The following PDE4D variants were observed in gnomAD, a reference collection of about 807,000 sequenced individuals.
The protein encoded by PDE4D is phosphodiesterase 4D.
A neutral mutation model predicts 87.4 loss-of-function variants in PDE4D; 24 were observed. The ratio of observed to expected loss-of-function variants is 0.27; its 90% CI spans 0.20 to 0.39. The LOEUF (loss-of-function observed/expected upper bound fraction) is 0.39. Among genes scored for constraint, PDE4D ranks in the 10% least tolerant of loss-of-function variants. The pLI is 1.00. For synonymous variants in PDE4D, 384 were observed against 383.2 expected (o/e 1.00, Z -0.02); for missense variants, 714 against 1,041.0 (o/e 0.69, Z 4.32).
At chr5:59,037,712 T>C (rs1269764407) in intron 6 of PDE4D, among the ~76,000 whole-genome samples, 1 of 152,070 alleles carries the variant, frequency 6.6e-6, no homozygotes, top group African/African-American at 2.4e-5. Context: ...GAAGCCAACT[T>C]TTCACTTGAC....
chr5:59,319,501 C>A (rs907600345), intron 1 of PDE4D, among the ~76,000 whole-genome samples: 1 of 152,038 alleles, frequency 6.6e-6, no homozygotes, highest in Non-Finnish European at 1.5e-5. Context: ...GCTCAGCTGA[C>A]AGTAATTTTC....
chr5:60,228,612 AG>A (rs1010534661), intron 1 of PDE4D, among the ~76,000 whole-genome samples: 1 of 152,088 alleles, frequency 6.6e-6, no homozygotes, highest in African/African-American at 2.4e-5. Flanking sequence ...ATGCTGCAAA[AG>A]CAAGCTGTGC....
At chr5:59,505,637 A>G (rs1376176875) in intron 1 of PDE4D, among the ~76,000 whole-genome samples, 1 of 152,206 alleles carries the variant, frequency 6.6e-6, no homozygotes, top group African/African-American at 2.4e-5. Context: ...TATTAGTGCC[A>G]TTTTACTATT....
intron 3 of PDE4D, chr5:59,988,314 TCTC>T: frequency 2.0e-6 from 1 of 488,298 alleles, no homozygotes; most frequent in Admixed American, 3.6e-5. Flanking sequence ...TAAAATGTCT[TCTC>T]CTGCAGATAT....
intron 1 of PDE4D, among the ~76,000 whole-genome samples, chr5:59,548,028 C>T (rs1474433839): frequency 6.6e-6 from 1 of 152,108 alleles, no homozygotes; most frequent in Non-Finnish European, 1.5e-5. Flanking sequence ...CTTAGAAACA[C>T]AGTGAGACAG....
intron 1 of PDE4D, among the ~76,000 whole-genome samples, chr5:59,667,728 C>T (rs759570142): frequency 2.4e-4 from 36 of 152,206 alleles, no homozygotes; most frequent in Non-Finnish European, 4.0e-4. Context: ...TGAGTCTTTC[C>T]ATATCTATAG....
chr5:60,456,495 C>T lies in PDE4D; in HGVS notation c.-90+31447G>A, dbSNP rs111312645. 3.9e-5 allele frequency among the ~76,000 whole-genome samples: 6 copies of T among 152,336 alleles called. 1 individual carries two copies. Among genetic ancestry groups the T allele is most frequent in the African/African-American group, 1.4e-4 (6 of 41,588 alleles). On this transcript the variant is annotated intron_variant, in intron 1 of 16. Coordinates refer to the PDE4D transcript ENST00000502484. ...ATACAGTGAAAATAAACAACCTAAGCTCTAAAATTACTGTAACTCAGGTGG... is the reference window on the plus strand; with the variant it reads ...ATACAGTGAAAATAAACAACCTAAGTTCTAAAATTACTGTAACTCAGGTGG...
At chr5:59,079,482 T>TA (rs1203566226) in intron 5 of PDE4D, among the ~76,000 whole-genome samples, 3 of 152,072 alleles carry the variant, frequency 2.0e-5, no homozygotes, top group Non-Finnish European at 4.4e-5. Flanking sequence ...ATTGACCTCT[T>TA]ACTCTACAAA....
At chr5:60,324,412 G>T (rs1361282361) in intron 1 of PDE4D, among the ~76,000 whole-genome samples, 2 of 152,196 alleles carry the variant, frequency 1.3e-5, no homozygotes, top group African/African-American at 4.8e-5. Context: ...AAAGATGACA[G>T]GTCTCAAAAA....
At chr5:59,815,637 T>G (rs1480777813) in intron 1 of PDE4D, among the ~76,000 whole-genome samples, 1 of 152,230 alleles carries the variant, frequency 6.6e-6, no homozygotes, top group Non-Finnish European at 1.5e-5. Flanking sequence ...TGTTAGCTAG[T>G]GTTCCTGGTA....
At chr5:59,012,799 G>A (rs958473764) in intron 6 of PDE4D, among the ~76,000 whole-genome samples, 23 of 151,984 alleles carry the variant, frequency 1.5e-4, no homozygotes, top group South Asian at 1.0e-3. Context: ...TGCAACAAGC[G>A]GACCTAATAG....
At chr5:59,694,833 T>G (rs1447773617) in intron 1 of PDE4D, among the ~76,000 whole-genome samples, 1 of 152,198 alleles carries the variant, frequency 6.6e-6, no homozygotes, top group Non-Finnish European at 1.5e-5. Context: ...ATTAATTGAT[T>G]ATAACTAGTA....
chr5:60,310,460 G>C lies in PDE4D; in HGVS notation c.-89-124773C>G, dbSNP rs553501970. On this transcript the variant is annotated intron_variant, in intron 1 of 16. Transcript: ENST00000502484. The stretch of plus-strand genomic sequence containing the variant: ...TTTAAAAAATGAATGAGGAGGAGAG[G>C]AACTGAAGTTTATTCTGCAAAGTTC... Among the ~76,000 whole-genome samples the C allele has an allele frequency of 3.9e-5, 6 of 152,244 alleles. No homozygotes were observed. The South Asian group carries it at 8.3e-4, about 21-fold the overall frequency.
chr5:59,141,184 C>T (rs1777835346), intron 5 of PDE4D, among the ~76,000 whole-genome samples: 1 of 152,168 alleles, frequency 6.6e-6, no homozygotes, highest in South Asian at 2.1e-4. Context: ...AACAATTAGA[C>T]ATCCATTTAT....
intron 1 of PDE4D, among the ~76,000 whole-genome samples, chr5:59,795,152 T>TC (rs1766315190): frequency 6.6e-6 from 1 of 152,192 alleles, no homozygotes. Flanking sequence ...TCACAGAGGG[T>TC]AAAGTCAATG....
chr5:59,386,238 A>G (rs1016043551), intron 1 of PDE4D, among the ~76,000 whole-genome samples: 3 of 152,190 alleles, frequency 2.0e-5, no homozygotes, highest in African/African-American at 4.8e-5. Context: ...TAAAAGTAGA[A>G]AAGGTATAAG....
intron 1 of PDE4D, among the ~76,000 whole-genome samples, chr5:59,601,654 C>T (rs1209421988): frequency 6.6e-6 from 1 of 152,014 alleles, no homozygotes; most frequent in African/African-American, 2.4e-5. Context: ...TTTGAGACTG[C>T]CCATCCCAAA....
intron 1 of PDE4D, among the ~76,000 whole-genome samples, chr5:59,769,373 C>T (rs1364943027): frequency 6.6e-6 from 1 of 152,186 alleles, no homozygotes; most frequent in Non-Finnish European, 1.5e-5. Context: ...TGCATTTAAA[C>T]TAATGCCCCT....
rs572794040 is a variant in PDE4D at position 60,415,811 on chromosome 5, G to A, written c.-90+72131C>T. Among the ~76,000 whole-genome samples the A allele has an allele frequency of 1.3e-4, 20 of 152,370 alleles. No individual in the cohort carries two copies. The South Asian group carries it at 1.4e-3, about 11-fold the overall frequency. The stretch of plus-strand genomic sequence containing the variant: ...GGGCTGAGGAGTGCAGGCGTAGGGC[G>A]CGGGACTGGCAGGAATCTCCACCTG... On this transcript the variant is annotated intron_variant, in intron 1 of 16. Coordinates refer to the PDE4D transcript ENST00000502484.
Sources: gnomAD v4.1 joint callset for allele counts (sites outside exome capture counted in the v4.1 genomes callset) on GRCh38, gnomAD v4.1.1 for gene constraint, MANE v1.5 for transcripts, NCBI Gene and HGNC (gene_info 2026-07-23, HGNC 2026-07-21) for gene names.